The following DDX19A variants were observed in gnomAD, a reference collection of about 807,000 sequenced individuals.
DDX19A encodes DEAD-box helicase 19A.
Under a neutral mutation model 60.6 loss-of-function variants are expected in DDX19A, and 12 were observed. The ratio of observed to expected loss-of-function variants is 0.20; its 90% CI spans 0.13 to 0.32. The LOEUF (loss-of-function observed/expected upper bound fraction) is 0.32. Among genes scored for constraint, DDX19A ranks in the 10% least tolerant of loss-of-function variants. DDX19A has a pLI of 1.00. For synonymous variants in DDX19A, 206 were observed against 218.2 expected (o/e 0.94, Z 0.49); for missense variants, 337 against 600.6 (o/e 0.56, Z 4.59).
chr16:70,355,689 C>T (rs917328300), intron 3 of DDX19A, 154 bp downstream of exon 3: 31 of 661,010 alleles, frequency 4.7e-5, no homozygotes, highest in East Asian at 1.9e-4. Context: ...AGTCCGAAAG[C>T]GGTAGCTCAC....
intron 5 of DDX19A, among the ~76,000 whole-genome samples, chr16:70,363,026 A>AC (rs1200202020): frequency 1.3e-5 from 2 of 150,942 alleles, no homozygotes; most frequent in East Asian, 4.0e-4. Flanking sequence ...AAAAAAAAAA[A>AC]AAATTTGTAG....
At chr16:70,362,174 A>C (rs1262937457) in intron 5 of DDX19A, among the ~76,000 whole-genome samples, 1 of 150,136 alleles carries the variant, frequency 6.7e-6, no homozygotes, top group Non-Finnish European at 1.5e-5. Context: ...CCTGTCTCAA[A>C]AAAAAAAAAA....
In DDX19A at chr16:70,354,168, G is replaced by A. The variant is rs150047039; in HGVS notation, c.107-1317G>A. On this transcript the variant is annotated intron_variant, in intron 2 of 11. Transcript: ENST00000302243. ...GTTTTTTTTTTTCTTTTTTTGAGACGGAGCTTTGCTCTTGTTGCCCAGGCT... is the reference window on the plus strand; with the variant it reads ...GTTTTTTTTTTTCTTTTTTTGAGACAGAGCTTTGCTCTTGTTGCCCAGGCT... 6.4e-4 allele frequency among the ~76,000 whole-genome samples: 96 copies of A among 149,894 alleles called. 1 individual carries two copies. The highest frequency in any genetic ancestry group is 2.1e-3 in the African/African-American group (85 of 40,826).
chr16:70,347,188 A>C, intron 1 of DDX19A, 140 bp downstream of exon 1: 1 of 808,276 alleles, frequency 1.2e-6, no homozygotes, highest in Non-Finnish European at 2.0e-6. Context: ...CTTGCCCTTG[A>C]TTTGCTCTTA....
rs2151641367 is a variant in DDX19A at position 70,365,093 on chromosome 16, C to G, written c.566C>G (p.Pro189Arg). ...ATTGAGCAGATGGGCAAATTTTACC[C>G]AGAACTGAAGCTTGCCTATGCCGTT... is the stretch of plus-strand genomic sequence containing the variant. ...KVIEQMGKFY[P>R]ELKLAYAVRG... Residue 189 changes from proline to arginine, a missense_variant, in exon 7 of 12, where the codon CCA (proline) becomes CGA (arginine). By Grantham distance (103) the Pro-to-Arg change is moderately radical. Around this residue, in one of 6 missense-constraint regions of DDX19A, gnomAD observed 62 missense variants for 75.7 expected, o/e 0.82. Coordinates refer to ENST00000302243, the MANE Select transcript of DDX19A (RefSeq NM_018332.5). 1 of 1,614,082 alleles carries G rather than the reference C, an allele frequency of 6.2e-7. No homozygotes were observed. Among genetic ancestry groups the G allele is most frequent in the Middle Eastern group, 1.6e-4 (1 of 6,062 alleles).
chr16:70,364,317 A>T (rs1964456014), intron 5 of DDX19A: 3 of 504,438 alleles, frequency 5.9e-6, no homozygotes, highest in Non-Finnish European at 1.1e-5. Flanking sequence ...TAGAATGAGA[A>T]TTTCTTGGTG....
At chr16:70,366,054 A>G in intron 7 of DDX19A, 31 bp from the exon 8 acceptor site, 1 of 1,614,150 alleles carries the variant, frequency 6.2e-7, no homozygotes, top group Non-Finnish European at 8.5e-7. Context: ...TGCCTTTGAA[A>G]TACCTATGAA....
At chr16:70,366,894 C>G in intron 9 of DDX19A, 33 bp downstream of exon 9, 1 of 1,613,072 alleles carries the variant, frequency 6.2e-7, no homozygotes, top group East Asian at 2.2e-5. Context: ...GGCCTGGCCC[C>G]TCCCTCTCAG....
At chr16:70,355,212 A>G (rs560525991) in intron 2 of DDX19A, among the ~76,000 whole-genome samples, 1 of 152,196 alleles carries the variant, frequency 6.6e-6, no homozygotes, top group South Asian at 2.1e-4. Flanking sequence ...CCCCGTCTCT[A>G]CTAAAATTAC....
At chr16:70,359,520 T>C (rs1436484945) in intron 4 of DDX19A, among the ~76,000 whole-genome samples, 3 of 152,172 alleles carry the variant, frequency 2.0e-5, no homozygotes, top group Admixed American at 6.6e-5. Context: ...AAATGCAATG[T>C]AAGAGCAACT....
At chr16:70,358,284 A>C (rs778081489) in intron 4 of DDX19A, among the ~76,000 whole-genome samples, 2 of 151,612 alleles carry the variant, frequency 1.3e-5, no homozygotes, top group Non-Finnish European at 2.9e-5. Flanking sequence ...GCCCGCCTCA[A>C]CCTCCCAGGC....
chr16:70,347,077 A>T (rs1218902441), intron 1 of DDX19A, 29 bp downstream of exon 1: 1 of 1,602,356 alleles, frequency 6.2e-7, no homozygotes, highest in Non-Finnish European at 8.5e-7. Context: ...GGCGAGGAGG[A>T]CGTAGCAGGG....
chr16:70,364,442 A>G, intron 5 of DDX19A, 101 bp from the exon 6 acceptor site: 1 of 871,510 alleles, frequency 1.1e-6, no homozygotes, highest in Non-Finnish European at 1.9e-6. Context: ...TAATATAGAG[A>G]AGCACGAAGG....
chr16:70,362,018 A>T (rs1482518358), intron 5 of DDX19A, among the ~76,000 whole-genome samples: 3 of 152,012 alleles, frequency 2.0e-5, no homozygotes, highest in African/African-American at 4.8e-5. Context: ...AAAATCAAAA[A>T]AAAAAAAATA....
chr16:70,348,125 G>A (rs1963897454), intron 1 of DDX19A: 1 of 273,848 alleles, frequency 3.7e-6, no homozygotes, highest in South Asian at 2.8e-5. Flanking sequence ...TGATAGCCCC[G>A]AGATAGAGGG....
intron 5 of DDX19A, 122 bp downstream of exon 5, chr16:70,361,632 CT>C: frequency 1.5e-6 from 1 of 687,620 alleles, no homozygotes; most frequent in Non-Finnish European, 2.5e-6. Flanking sequence ...AGGAATACAG[CT>C]TAGGCAAGTG....
chr16:70,347,015 G>T lies in DDX19A; in HGVS notation c.24G>T (p.Leu8=), dbSNP rs1207740835. 1 of 1,612,864 alleles carries T rather than the reference G, an allele frequency of 6.2e-7. No individual in the cohort carries two copies. Among genetic ancestry groups the T allele is most frequent in the South Asian group, 1.1e-5 (1 of 90,878 alleles). ...CTATGGCCACCGACTCGTGGGCCCT[G>T]GCGGTGGACGAGCAGGAAGCGGCTG... MATDSWA[L]AVDEQEAAVK... The change falls in exon 1 of 12, where the codon CTG becomes CTT. Residue 8 remains leucine, a synonymous_variant. Coordinates refer to ENST00000302243, the MANE Select transcript of DDX19A (RefSeq NM_018332.5).
intron 7 of DDX19A, 149 bp from the exon 8 acceptor site, chr16:70,365,936 A>G: frequency 8.2e-7 from 1 of 1,220,196 alleles, no homozygotes; most frequent in Non-Finnish European, 1.2e-6. Flanking sequence ...TTCACAGCAG[A>G]AGAGACCAAG....
chr16:70,352,260 A>G (rs1226920924), intron 2 of DDX19A, among the ~76,000 whole-genome samples: 1 of 151,798 alleles, frequency 6.6e-6, no homozygotes, highest in Non-Finnish European at 1.5e-5. Context: ...TTTCCATATC[A>G]ATACATGCAG....
Sources: allele counts gnomAD v4.1 joint callset (sites outside exome capture counted in the v4.1 genomes callset), GRCh38; gene constraint gnomAD v4.1.1; regional missense constraint gnomAD v4.1.1; transcripts MANE v1.5; gene names NCBI Gene and HGNC (gene_info 2026-07-23, HGNC 2026-07-21).